The following SCP2 variants were observed in gnomAD, a reference collection of about 807,000 sequenced individuals.
The protein encoded by SCP2 is sterol carrier protein 2.
A neutral mutation model predicts 71.4 loss-of-function variants in SCP2; 48 were observed. The observed-to-expected ratio is 0.67, with a 90% CI of 0.53 to 0.86. SCP2 has a LOEUF of 0.86. Ranked by LOEUF, SCP2 falls within the 40% of genes least tolerant of loss-of-function variation. SCP2 has a pLI of 0.00. For missense variants in SCP2, 560 were observed against 655.6 expected (o/e 0.85, Z 1.59); for synonymous variants, 220 against 218.1 (o/e 1.01, Z -0.08).
chr1:52,941,505 G>A (rs1654235105), intron 1 of SCP2, among the ~76,000 whole-genome samples: 2 of 151,950 alleles, frequency 1.3e-5, no homozygotes, highest in African/African-American at 4.8e-5. Flanking sequence ...GGGAGGCCGA[G>A]GCAGGCAGAT....
chr1:52,989,138 T>C (rs1659250300), intron 11 of SCP2, among the ~76,000 whole-genome samples: 1 of 152,256 alleles, frequency 6.6e-6, no homozygotes, highest in Admixed American at 6.5e-5. Context: ...AAGTATATTA[T>C]AACCCTCACA....
chr1:52,959,151 C>A (rs950067191), intron 5 of SCP2, among the ~76,000 whole-genome samples: 56 of 152,012 alleles, frequency 3.7e-4, no homozygotes, highest in African/African-American at 1.3e-3. Flanking sequence ...GTAGAATTCA[C>A]CAGTTCACAT....
chr1:53,029,166 A>C (rs1167022366), intron 13 of SCP2, among the ~76,000 whole-genome samples: 4 of 152,204 alleles, frequency 2.6e-5, no homozygotes, highest in Non-Finnish European at 5.9e-5. Context: ...ATACTAAGGC[A>C]ATCTAAAAAT....
intron 6 of SCP2, among the ~76,000 whole-genome samples, chr1:52,972,692 G>A (rs1657601954): frequency 6.6e-6 from 1 of 152,108 alleles, no homozygotes; most frequent in African/African-American, 2.4e-5. Context: ...CCTATGGTTT[G>A]CATCCATGGT....
intron 2 of SCP2, among the ~76,000 whole-genome samples, chr1:52,945,124 A>C (rs1386559753): frequency 1.3e-5 from 2 of 152,070 alleles, no homozygotes; most frequent in Non-Finnish European, 2.9e-5. Flanking sequence ...GTGTTATTCT[A>C]TTTTAGCATT....
intron 5 of SCP2, among the ~76,000 whole-genome samples, 177 bp from the exon 6 acceptor site, chr1:52,961,326 A>AT (rs991883120): frequency 1.3e-4 from 19 of 149,938 alleles, no homozygotes; most frequent in African/African-American, 4.4e-4. Flanking sequence ...TCACTTGATT[A>AT]TTTTTTCTTC....
chr1:53,005,001 C>T (rs1660541035), intron 11 of SCP2, among the ~76,000 whole-genome samples: 1 of 152,214 alleles, frequency 6.6e-6, no homozygotes, highest in Admixed American at 6.5e-5. Context: ...TGGAGGGTCC[C>T]ACACCCATGG....
intron 4 of SCP2, 142 bp downstream of exon 4, chr1:52,951,028 C>A: frequency 3.2e-6 from 3 of 947,928 alleles, no homozygotes; most frequent in Middle Eastern, 2.2e-4. Context: ...TGCTTGTAAC[C>A]CTAGCACTTT....
chr1:53,007,855 C>A (rs544173516), intron 11 of SCP2, among the ~76,000 whole-genome samples: 1 of 151,840 alleles, frequency 6.6e-6, no homozygotes, highest in African/African-American at 2.4e-5. Flanking sequence ...TTTTTTGAAG[C>A]GATCAACAAA....
chr1:52,946,085 C>T lies in SCP2; in HGVS notation c.128-1924C>T, dbSNP rs185742628. 7.3e-5 allele frequency among the ~76,000 whole-genome samples: 11 copies of T among 151,198 alleles called. No individual in the cohort carries two copies. In the East Asian group the frequency reaches 1.6e-3, roughly 22 times the overall value. On this transcript the variant is annotated intron_variant, in intron 2 of 15. Transcript: ENST00000371514. ...CTGGGACCACAGACGCACACCACCA[C>T]GCCCCCCTAATTTTTGTATTTTTGG...
chr1:52,981,908 T>G (rs903722545), intron 10 of SCP2, among the ~76,000 whole-genome samples: 5 of 152,114 alleles, frequency 3.3e-5, no homozygotes, highest in African/African-American at 1.2e-4. Flanking sequence ...GGATTTAGGT[T>G]GGTCATTTAA....
chr1:53,025,775 C>T (rs975632108), intron 12 of SCP2, among the ~76,000 whole-genome samples: 5 of 152,194 alleles, frequency 3.3e-5, no homozygotes, highest in Admixed American at 6.5e-5. Context: ...CTCTCTCCAT[C>T]GTCATTCGTT....
intron 1 of SCP2, among the ~76,000 whole-genome samples, chr1:52,941,352 G>T (rs896348115): frequency 7.9e-5 from 12 of 152,086 alleles, no homozygotes; most frequent in Admixed American, 7.2e-4. Flanking sequence ...TGAGGGCAAG[G>T]ATTTTATATT....
chr1:52,960,274 T>A (rs1656219647), intron 5 of SCP2, among the ~76,000 whole-genome samples: 1 of 152,070 alleles, frequency 6.6e-6, no homozygotes, highest in African/African-American at 2.4e-5. Flanking sequence ...GCTCTCATTC[T>A]TGATGTTTCC....
rs58027924 is a variant in SCP2, at chr1:52,966,295, G to GT, written c.523+4677dup. Among the ~76,000 whole-genome samples, 516 of 145,522 alleles carry GT rather than the reference G, an allele frequency of 3.5e-3. 2 individuals carry two copies. The highest frequency in any genetic ancestry group is 3.6e-3 in the Middle Eastern group (1 of 276). ...TATCCGTCAGTGTCTATTTTCTTGA[G>GT]TTTTTTTTTTTCCAGGAATGGGTAT... On this transcript the variant is annotated intron_variant, in intron 6 of 15. Coordinates refer to ENST00000371514, the MANE Select transcript of SCP2 (RefSeq NM_002979.5).
chr1:52,976,760 T>A lies in SCP2; in HGVS notation c.665T>A (p.Leu222Ter). Reference protein sequence around the residue: ...SKEVFDFLTILQCCPTSDGAA... With the variant: ...SKEVFDFLTI ...GAAGTTTTTGATTTTTTGACTATCT[T>A]ACAATGTTGGTAAGAAAAATATATT... is the stretch of plus-strand genomic sequence containing the variant. Residue 222 changes from leucine (L) to a stop codon, truncating the protein, a stop_gained, in exon 8 of 16, where the codon TTA (leucine) becomes TAA (stop). Coordinates refer to ENST00000371514, the MANE Select transcript of SCP2 (RefSeq NM_002979.5). LOFTEE classifies it high-confidence loss of function. 6.9e-7 allele frequency: 1 copy of A among 1,450,836 alleles called. No homozygotes were observed. The highest frequency in any genetic ancestry group is 9.7e-7 in the Non-Finnish European group (1 of 1,031,794). The allele number at this position is 1,450,836 out of a possible 1,614,324, so 89.9% of individuals were successfully genotyped here.
intron 11 of SCP2, among the ~76,000 whole-genome samples, chr1:53,008,670 A>G (rs1483096398): frequency 6.6e-6 from 1 of 152,190 alleles, no homozygotes; most frequent in East Asian, 1.9e-4. Flanking sequence ...CACAGCCAAT[A>G]TCATACTGAA....
chr1:53,037,950 TACACACACAC>T (rs67763248), intron 13 of SCP2, among the ~76,000 whole-genome samples: 4,306 of 120,342 alleles, frequency 0.036, 119 homozygotes, highest in Non-Finnish European at 0.043. Context: ...CCTGTCTCTA[TACACACACAC>T]ACACACACAC....
At chr1:52,994,750 G>A in intron 11 of SCP2, 1 of 702,510 alleles carries the variant, frequency 1.4e-6, no homozygotes, top group South Asian at 1.5e-5. Context: ...GCACATCCAG[G>A]CCTGTCAGTG....
Sources: allele counts gnomAD v4.1 joint callset (sites outside exome capture counted in the v4.1 genomes callset), GRCh38; gene constraint gnomAD v4.1.1; transcripts MANE v1.5; gene names NCBI Gene and HGNC (gene_info 2026-07-23, HGNC 2026-07-21).